GPM6A: variants seen among roughly 807,000 people sequenced by gnomAD.
GPM6A encodes neuronal membrane glycoprotein M6-a.
Under a neutral mutation model 32.1 loss-of-function variants are expected in GPM6A, and 7 were observed. The ratio of observed to expected loss-of-function variants is 0.22; its 90% confidence interval spans 0.12 to 0.41. GPM6A has a LOEUF of 0.41. Among genes scored for constraint, GPM6A ranks in the 10% least tolerant of loss-of-function variants. The pLI is 1.00. For missense variants in GPM6A, 235 were observed against 347.2 expected, an observed-to-expected ratio of 0.68 and a Z score of 2.57; for synonymous variants, 130 against 123.4, an observed-to-expected ratio of 1.05 and a Z score of -0.35.
intron 1 of GPM6A, among the ~76,000 whole-genome samples, chr4:175,958,043 C>A (rs1164385184): frequency 6.6e-6 from 1 of 152,186 alleles, no homozygotes; most frequent in Admixed American, 6.5e-5. Context: ...CAGGCACCCA[C>A]CACCATGCCT....
intron 1 of GPM6A, among the ~76,000 whole-genome samples, chr4:175,830,740 G>A (rs527429728): frequency 1.5e-4 from 23 of 151,998 alleles, no homozygotes; most frequent in Admixed American, 4.6e-4. Flanking sequence ...TATGCATGCC[G>A]CCATTCTGTA....
At chr4:175,727,573 T>C (rs1477582391) in intron 1 of GPM6A, among the ~76,000 whole-genome samples, 2 of 152,224 alleles carry the variant, frequency 1.3e-5, no homozygotes, top group Admixed American at 6.5e-5. Flanking sequence ...GAAAATGCTA[T>C]ACTAATGTGG....
At chr4:175,708,876 A>G (rs1223862723) in intron 1 of GPM6A, among the ~76,000 whole-genome samples, 1 of 152,172 alleles carries the variant, frequency 6.6e-6, no homozygotes, top group Admixed American at 6.5e-5. Context: ...CCCTTTTTCA[A>G]TGCCCTGGGA....
At chr4:175,695,196 C>A (rs866936580) in intron 2 of GPM6A, among the ~76,000 whole-genome samples, 1 of 152,196 alleles carries the variant, frequency 6.6e-6, no homozygotes, top group Non-Finnish European at 1.5e-5. Flanking sequence ...TACTAGAGCA[C>A]TATGGAGGGG....
intron 1 of GPM6A, among the ~76,000 whole-genome samples, chr4:175,910,339 T>C (rs1302999462): frequency 2.6e-5 from 4 of 152,186 alleles, no homozygotes; most frequent in Non-Finnish European, 4.4e-5. Context: ...ATGAAACTCA[T>C]GTAATAATAA....
intron 1 of GPM6A, among the ~76,000 whole-genome samples, chr4:175,826,209 A>G (rs1360026245): frequency 6.6e-6 from 1 of 152,038 alleles, no homozygotes; most frequent in Non-Finnish European, 1.5e-5. Context: ...CAGTCTCAAA[A>G]ACCATTGGCC....
intron 1 of GPM6A, among the ~76,000 whole-genome samples, chr4:175,927,871 C>A (rs1738898139): frequency 6.6e-6 from 1 of 152,056 alleles, no homozygotes. Context: ...GACCATAGAG[C>A]AAGACTCCGT....
At chr4:175,887,472 C>T (rs1312837771) in intron 1 of GPM6A, among the ~76,000 whole-genome samples, 2 of 151,624 alleles carry the variant, frequency 1.3e-5, no homozygotes, top group Admixed American at 6.6e-5. Flanking sequence ...GAAAAACATT[C>T]AAACAAATTC....
intron 1 of GPM6A, among the ~76,000 whole-genome samples, chr4:175,753,551 A>T (rs970773392): frequency 1.3e-5 from 2 of 152,160 alleles, no homozygotes; most frequent in African/African-American, 4.8e-5. Flanking sequence ...TTACCTTCAT[A>T]AAGTTCCCTA....
intron 1 of GPM6A, among the ~76,000 whole-genome samples, chr4:175,797,722 C>T (rs547860788): frequency 1.4e-3 from 219 of 152,258 alleles, no homozygotes; most frequent in African/African-American, 5.1e-3. Flanking sequence ...TGATTGTAGG[C>T]TTCGAAGTTC....
chr4:175,932,514 T>A (rs1739085483), intron 1 of GPM6A, among the ~76,000 whole-genome samples: 1 of 152,244 alleles, frequency 6.6e-6, no homozygotes. Context: ...AATTGCCCAG[T>A]TCGAAATATT....
At chr4:175,827,354 T>G (rs1735470717) in intron 1 of GPM6A, among the ~76,000 whole-genome samples, 1 of 152,202 alleles carries the variant, frequency 6.6e-6, no homozygotes, top group South Asian at 2.1e-4. Flanking sequence ...AGCATTTATG[T>G]CCTCACTTTA....
chr4:175,654,787 G>A (rs947126996), intron 3 of GPM6A, among the ~76,000 whole-genome samples: 6 of 150,520 alleles, frequency 4.0e-5, no homozygotes, highest in Non-Finnish European at 8.9e-5. Context: ...TAGATCTCAA[G>A]GCTAATGTAT....
intron 1 of GPM6A, among the ~76,000 whole-genome samples, chr4:175,817,686 T>C (rs1341778749): frequency 1.3e-5 from 2 of 152,124 alleles, no homozygotes; most frequent in African/African-American, 2.4e-5. Context: ...AGAAAAGATA[T>C]TCTGAACAGT....
At chr4:175,986,051 C>A (rs142539016) in intron 1 of GPM6A, among the ~76,000 whole-genome samples, 49 of 152,112 alleles carry the variant, frequency 3.2e-4, no homozygotes, top group African/African-American at 1.2e-3. Context: ...CGATCTGCCC[C>A]CCTCAGCCTC....
chr4:175,882,089 T>A (rs1579594008), intron 1 of GPM6A, among the ~76,000 whole-genome samples: 1 of 152,198 alleles, frequency 6.6e-6, no homozygotes, highest in East Asian at 1.9e-4. Flanking sequence ...TATGCATTTG[T>A]TTGTCCATAG....
chr4:175,698,955 A>C (rs1340506040), intron 2 of GPM6A, among the ~76,000 whole-genome samples: 2 of 152,170 alleles, frequency 1.3e-5, no homozygotes, highest in Non-Finnish European at 2.9e-5. Flanking sequence ...TAAATATCAA[A>C]TATCTTAACA....
intron 1 of GPM6A, among the ~76,000 whole-genome samples, chr4:175,822,466 A>G (rs952338082): frequency 3.9e-5 from 6 of 152,302 alleles, no homozygotes; most frequent in East Asian, 1.9e-4. Flanking sequence ...TGTATTAACA[A>G]TGAAAAGCTG....
chr4:175,931,709 C>CACAT (rs1324269132), intron 1 of GPM6A, among the ~76,000 whole-genome samples: 138 of 129,314 alleles, frequency 1.1e-3, no homozygotes, highest in African/African-American at 3.9e-3. Context: ...CACACACACA[C>CACAT]ATATATATAT....
Sources: allele counts gnomAD v4.1 joint callset (sites outside exome capture counted in the v4.1 genomes callset), GRCh38; gene constraint gnomAD v4.1.1; transcripts MANE v1.5; gene names NCBI Gene and HGNC (gene_info 2026-07-23, HGNC 2026-07-21).